The following PCYT2 variants were observed in gnomAD, a reference collection of about 807,000 sequenced individuals.
PCYT2 encodes the protein ethanolamine-phosphate cytidylyltransferase.
In PCYT2, 33 loss-of-function variants were observed where a neutral mutation model predicts 50.0. The ratio of observed to expected loss-of-function variants is 0.66; its 90% CI spans 0.50 to 0.88. PCYT2 has a LOEUF of 0.88. Ranked by LOEUF, PCYT2 falls within the 40% of genes least tolerant of loss-of-function variation. PCYT2 has a pLI of 0.00. For synonymous variants in PCYT2, 240 were observed against 203.7 expected (o/e 1.18, Z -1.52); for missense variants, 430 against 519.7 (o/e 0.83, Z 1.68).
chr17:81,908,252 C>G (rs1396791270), intron 4 of PCYT2, among the ~76,000 whole-genome samples: 2 of 152,230 alleles, frequency 1.3e-5, no homozygotes, highest in African/African-American at 2.4e-5. Context: ...CCTCATGTCC[C>G]TGACGTCTGG....
At position 81,906,882 on chromosome 17, in the gene PCYT2, T is replaced by C. The variant is rs1316840622; in HGVS notation, c.554A>G (p.Asn185Ser). 1.9e-6 allele frequency: 3 copies of C among 1,613,032 alleles called. No individual in the cohort carries two copies. Among genetic ancestry groups the C allele is most frequent in the South Asian group, 2.2e-5 (2 of 91,078 alleles). ...DSFGKCPGGR[N>S]PWTGVSQFLQ... is the part of the protein sequence containing the mutation. ...GAACTGGGATACCCCGGTCCAGGGG[T>C]TCCGCCCACCAGGGCACTGCAAGCC... Residue 185 changes from asparagine (N) to serine (S), a missense_variant, in exon 7 of 13, where the codon AAC (asparagine) becomes AGC (serine). By Grantham distance (46) the Asn-to-Ser change is conservative. Around this residue, in one of 4 missense-constraint regions of PCYT2, gnomAD observed 248 missense variants for 300.2 expected, o/e 0.83. Transcript: ENST00000538936.
chr17:81,902,542 C>T lies in PCYT2; in HGVS notation c.*2291G>A, dbSNP rs1169730316. 11 of 1,480,184 alleles carry T rather than the reference C, an allele frequency of 7.4e-6. No individual in the cohort carries two copies. In the East Asian group the frequency reaches 1.7e-4, roughly 23 times the overall value. 91.7% of individuals were successfully genotyped at this position (1,480,184 alleles called of 1,614,324 possible). On this transcript the variant is annotated 3_prime_UTR_variant, in exon 13 of 13. Coordinates refer to ENST00000538936, the MANE Select transcript of PCYT2 (RefSeq NM_002861.5). Reference sequence around the variant, plus strand: ...GCGGAGCCTCGTGAGTCCGGCGTGCCGGGGACTGATGGGGGGCGGCGGCAG... The same window carrying T: ...GCGGAGCCTCGTGAGTCCGGCGTGCTGGGGACTGATGGGGGGCGGCGGCAG...
chr17:81,905,703 G>A lies in PCYT2; in HGVS notation c.870C>T (p.Tyr290=), dbSNP rs200987223. 2.0e-5 allele frequency: 32 copies of A among 1,613,500 alleles called. No homozygotes were observed. The highest frequency in any genetic ancestry group is 1.6e-4 in the Middle Eastern group (1 of 6,084). The stretch of plus-strand genomic sequence containing the variant: ...GACTTAGGAGCTCTGCTGTGACCGC[G>A]TACGGGGCTCCAATCACCACTTCTG... ...YVSEVVIGAP[Y]AVTAELLSHF... Residue 290 remains tyrosine, a synonymous_variant, in exon 10 of 13, where the codon TAC becomes TAT. Coordinates refer to ENST00000538936, the MANE Select transcript of PCYT2 (RefSeq NM_002861.5).
rs776597422 is a variant in PCYT2 at position 81,906,915 on chromosome 17, G to A, written c.538-17C>T. On this transcript the variant is annotated splice_polypyrimidine_tract_variant and intron_variant, in intron 6 of 12. Coordinates refer to ENST00000538936, the MANE Select transcript of PCYT2 (RefSeq NM_002861.5). Reference sequence around the variant, plus strand: ...ACCAGGGCACTGCAAGCCAAGAGAGGGAGCAGGTTGGCGGGGGAGGCCTCC... The same window carrying A: ...ACCAGGGCACTGCAAGCCAAGAGAGAGAGCAGGTTGGCGGGGGAGGCCTCC... 4.3e-6 allele frequency: 7 copies of A among 1,610,312 alleles called. No individual in the cohort carries two copies. The highest frequency in any genetic ancestry group is 1.1e-5 in the South Asian group (1 of 90,818).
Position 81,908,914 on chromosome 17 carries a change from G to A in PCYT2, c.302C>T (p.Thr101Ile). Residue 101 changes from threonine to isoleucine, a missense_variant, in exon 3 of 13, where the codon ACC (threonine) becomes ATC (isoleucine). This residue lies in a region of PCYT2 where 117 missense variants were observed against 163.9 expected (regional missense o/e 0.71). Transcript: ENST00000538936. ...PAAPYVTTLE[T>I]LDKYNCDFCV... ...GAAGTCACAGTTGTATTTGTCCAGGGTCTCTAGTGTAGTGACGTAGGGAGC... is the reference window on the plus strand; with the variant it reads ...GAAGTCACAGTTGTATTTGTCCAGGATCTCTAGTGTAGTGACGTAGGGAGC... 1 of 1,613,988 alleles carries A rather than the reference G, an allele frequency of 6.2e-7. No individual in the cohort carries two copies. Among genetic ancestry groups the A allele is most frequent in the Non-Finnish European group, 8.5e-7 (1 of 1,180,000 alleles).
Position 81,911,385 on chromosome 17 carries a change from G to C in PCYT2, c.-30C>G. ...CCGCAGCGGCGGCGCGGACAGCCTG[G>C]CAGCTCCCGGCGACTCCGAGCGCCG... On this transcript the variant is annotated 5_prime_UTR_variant, in exon 1 of 13. Transcript: ENST00000538936. 2 of 1,016,114 alleles carry C rather than the reference G, an allele frequency of 2.0e-6. No individual in the cohort carries two copies. The highest frequency in any genetic ancestry group is 2.4e-6 in the Non-Finnish European group (2 of 850,796). The allele number at this position is 1,016,114 out of a possible 1,614,324, so 62.9% of individuals were successfully genotyped here. A position where few individuals can be genotyped will look rare whatever the true frequency, so the allele number is the denominator to read the frequency against.
chr17:81,907,604 C>G lies in PCYT2; in HGVS notation c.493-6G>C, dbSNP rs371895055. ...CGGTACTCAGAGGACATCTCCTGCA[C>G]AGAAGGTCAGAGCAGGGCTGAGGGG... is the stretch of plus-strand genomic sequence containing the variant. On this transcript the variant is annotated splice_region_variant and splice_polypyrimidine_tract_variant and intron_variant, in intron 5 of 12. Transcript: ENST00000538936. The G allele has an allele frequency of 1.9e-6, 3 of 1,611,324 alleles. No individual in the cohort carries two copies. The highest frequency in any genetic ancestry group is 2.5e-6 in the Non-Finnish European group (3 of 1,179,252).
chr17:81,902,355 C>A lies in PCYT2; in HGVS notation c.*2478G>T. On this transcript the variant is annotated 3_prime_UTR_variant, in exon 13 of 13. Transcript: ENST00000538936. ...TGGCGCCGCCTGGCCTCGCGTGGTA[C>A]AAGCCAGCGGCGGGGCACAGCTCCT... The A allele has an allele frequency of 7.4e-7, 1 of 1,349,092 alleles. No homozygotes were observed. The highest frequency in any genetic ancestry group is 1.9e-5 in the South Asian group (1 of 51,436). 83.6% of individuals were successfully genotyped at this position (1,349,092 alleles called of 1,614,324 possible).
chr17:81,911,199 G>A, intron 1 of PCYT2, 68 bp downstream of exon 1: 1 of 1,019,866 alleles, frequency 9.8e-7, no homozygotes. Context: ...CCGGGCAACG[G>A]CTGGCGCGGC....
intron 11 of PCYT2, 31 bp downstream of exon 11, chr17:81,905,351 C>T (rs759423164): frequency 1.3e-6 from 2 of 1,541,084 alleles, no homozygotes; most frequent in South Asian, 2.4e-5. Context: ...AATGGCAACC[C>T]CTGTGCCCAG....
rs1443962055 is a variant in PCYT2, at chr17:81,902,498, T to G, written c.*2335A>C. On this transcript the variant is annotated 3_prime_UTR_variant, in exon 13 of 13. Transcript: ENST00000538936. ...GGCGGGGCCGGCGCCTCCCCGGAGCTGCAACTGCACCCCAGGCTGCGGAGC... is the reference window on the plus strand; with the variant it reads ...GGCGGGGCCGGCGCCTCCCCGGAGCGGCAACTGCACCCCAGGCTGCGGAGC... The G allele has an allele frequency of 2.8e-6, 4 of 1,418,842 alleles. No individual in the cohort carries two copies. Among genetic ancestry groups the G allele is most frequent in the Middle Eastern group, 2.1e-4 (1 of 4,656 alleles). 87.9% of individuals were successfully genotyped at this position (1,418,842 alleles called of 1,614,324 possible). A position where few individuals can be genotyped will look rare whatever the true frequency, so the allele number is the denominator to read the frequency against.
chr17:81,910,591 A>G (rs2040538566), intron 1 of PCYT2, among the ~76,000 whole-genome samples: 1 of 152,154 alleles, frequency 6.6e-6, no homozygotes, highest in South Asian at 2.1e-4. Context: ...ACACAAAGCC[A>G]CATTCCTTTT....
chr17:81,905,338 G>A (rs1186655493), intron 11 of PCYT2, 44 bp downstream of exon 11: 4 of 1,511,794 alleles, frequency 2.6e-6, no homozygotes, highest in Non-Finnish European at 3.6e-6. Context: ...GCTGGGAGGT[G>A]CCAATGGCAA....
At chr17:81,909,657 C>T in intron 1 of PCYT2, 55 bp from the exon 2 acceptor site, 1 of 1,389,566 alleles carries the variant, frequency 7.2e-7, no homozygotes, top group Non-Finnish European at 1.0e-6. Context: ...GACCAGGTGT[C>T]CCTGTGGGTT....
rs769994529 is a variant in PCYT2, at chr17:81,904,806, G to A, written c.*27C>T. On this transcript the variant is annotated 3_prime_UTR_variant, in exon 13 of 13. Coordinates refer to ENST00000538936, the MANE Select transcript of PCYT2 (RefSeq NM_002861.5). The stretch of plus-strand genomic sequence containing the variant: ...CAGAAGGCGCAGAAGCAGAGCAGGG[G>A]GAGGGCCGGCCAGGGCCTCTGCCAG... The A allele has an allele frequency of 5.4e-6, 8 of 1,479,608 alleles. No homozygotes were observed. In the East Asian group the frequency reaches 1.6e-4, roughly 29 times the overall value. 91.7% of individuals were successfully genotyped at this position (1,479,608 alleles called of 1,614,324 possible).
chr17:81,907,227 G>GT (rs1277346289), intron 6 of PCYT2: 1 of 1,534,370 alleles, frequency 6.5e-7, no homozygotes, highest in African/African-American at 1.4e-5. Context: ...TCTGAGGAAA[G>GT]TATGTCCCCG....
intron 6 of PCYT2, 199 bp downstream of exon 6, chr17:81,907,355 C>A: frequency 7.7e-7 from 1 of 1,296,304 alleles, no homozygotes. Context: ...ACCGGCCAGC[C>A]GGTGCCACCA....
At chr17:81,906,222 G>T (rs1346371579) in intron 8 of PCYT2, 45 bp from the exon 9 acceptor site, 1 of 1,533,060 alleles carries the variant, frequency 6.5e-7, no homozygotes, top group Non-Finnish European at 8.9e-7. Flanking sequence ...CTTTTTGGGG[G>T]GACAGGGTGT....
intron 9 of PCYT2, 137 bp downstream of exon 9, chr17:81,905,963 G>T: frequency 1.3e-6 from 1 of 788,746 alleles, no homozygotes; most frequent in Non-Finnish European, 2.1e-6. Context: ...ATGGGCAGGT[G>T]CCACAGAACT....
Sources: gnomAD v4.1 joint callset for allele counts (sites outside exome capture counted in the v4.1 genomes callset) on GRCh38, gnomAD v4.1.1 for gene constraint, gnomAD v4.1.1 regional missense constraint, MANE v1.5 for transcripts, NCBI Gene and HGNC (gene_info 2026-07-23, HGNC 2026-07-21) for gene names.